Variants in TNRC6B observed in about 807,000 individuals in gnomAD.
TNRC6B encodes trinucleotide repeat-containing gene 6B protein.
A neutral mutation model predicts 203.6 loss-of-function variants in TNRC6B; 52 were observed. The ratio of observed to expected loss-of-function variants is 0.26; its 90% CI spans 0.20 to 0.32. TNRC6B has a LOEUF of 0.32. TNRC6B is among the 10% of genes least tolerant of loss of function. The pLI is 1.00. For synonymous variants in TNRC6B, 838 were observed against 845.7 expected (o/e 0.99, Z 0.16); for missense variants, 1,923 against 2,286.2 (o/e 0.84, Z 3.24).
intron 15 of TNRC6B, among the ~76,000 whole-genome samples, chr22:40,307,300 G>T (rs1346546715): frequency 1.3e-5 from 2 of 152,158 alleles, no homozygotes; most frequent in Non-Finnish European, 2.9e-5. Flanking sequence ...ATAGTGTGCA[G>T]TCTGGCCTGG....
chr22:40,248,073 T>G (rs1263990165), intron 2 of TNRC6B, among the ~76,000 whole-genome samples: 1 of 150,322 alleles, frequency 6.7e-6, no homozygotes, highest in East Asian at 1.9e-4. Flanking sequence ...AGATCTTGTG[T>G]CTAGAAAAAA....
chr22:40,264,735 T>C lies in TNRC6B; in HGVS notation c.505T>C (p.Trp169Arg). Residue 169 changes from tryptophan to arginine, a missense_variant, in exon 5 of 23, where the codon TGG becomes CGG. Physicochemically the swap from Trp to Arg is moderately radical, Grantham distance 101 (BLOSUM62 -3). Coordinates refer to ENST00000454349, the MANE Select transcript of TNRC6B (RefSeq NM_001162501.2). ...TGCTTCAAATTATGCAAATTCCACT[T>C]GGGGCTCGGGAGCCTCCTCCAACAA... Reference protein sequence around the residue: ...AAASNYANSTWGSGASSNNGT... With the variant: ...AAASNYANSTRGSGASSNNGT... 1.9e-6 allele frequency: 3 copies of C among 1,607,770 alleles called. No homozygotes were observed. The highest frequency in any genetic ancestry group is 2.6e-6 in the Non-Finnish European group (3 of 1,176,094).
At chr22:40,164,404 AAAAG>A (rs2068899247) in intron 4 of TNRC6B, among the ~76,000 whole-genome samples, 2 of 151,506 alleles carry the variant, frequency 1.3e-5, no homozygotes, top group Admixed American at 6.6e-5. Context: ...AAAAAAAAAA[AAAAG>A]GGCATTGTTA....
chr22:40,163,397 CA>C (rs1032013873), intron 4 of TNRC6B, among the ~76,000 whole-genome samples: 972 of 20,076 alleles, frequency 0.048, 6 homozygotes, highest in African/African-American at 0.073. Flanking sequence ...GACCCTGTCT[CA>C]AAAAAAAAAA....
At chr22:40,214,154 C>A (rs2069601508) in intron 1 of TNRC6B, among the ~76,000 whole-genome samples, 1 of 152,100 alleles carries the variant, frequency 6.6e-6, no homozygotes, top group Admixed American at 6.5e-5. Context: ...GTAGCCCCAG[C>A]TACTCGGGAG....
At chr22:40,292,627 A>T (rs957121716) in intron 12 of TNRC6B, among the ~76,000 whole-genome samples, 2 of 152,240 alleles carry the variant, frequency 1.3e-5, no homozygotes, top group Non-Finnish European at 2.9e-5. Flanking sequence ...TAACTCCCTG[A>T]AATGGAGAAT....
At chr22:40,222,323 T>C (rs1175950373) in intron 1 of TNRC6B, among the ~76,000 whole-genome samples, 1 of 152,128 alleles carries the variant, frequency 6.6e-6, no homozygotes, top group African/African-American at 2.4e-5. Flanking sequence ...TTAAAGGGGA[T>C]GCATAGATGA....
At chr22:40,141,893 G>A (rs2068647460) in intron 3 of TNRC6B, among the ~76,000 whole-genome samples, 1 of 151,484 alleles carries the variant, frequency 6.6e-6, no homozygotes, top group Non-Finnish European at 1.5e-5. Context: ...TCCTGCCTCA[G>A]CCTCCCGAGT....
At chr22:40,234,630 A>G (rs1242301815) in intron 1 of TNRC6B, among the ~76,000 whole-genome samples, 1 of 152,234 alleles carries the variant, frequency 6.6e-6, no homozygotes. Flanking sequence ...TTTTGTTACC[A>G]ACATATAAAA....
At chr22:40,056,924 A>G (rs369782411) in intron 1 of TNRC6B, among the ~76,000 whole-genome samples, 8 of 152,218 alleles carry the variant, frequency 5.3e-5, no homozygotes, top group Non-Finnish European at 8.8e-5. Context: ...GGGCAAGGCC[A>G]CCAGATTCCT....
chr22:40,064,709 T>G (rs1395765818), intron 1 of TNRC6B, among the ~76,000 whole-genome samples: 3 of 151,558 alleles, frequency 2.0e-5, no homozygotes, highest in East Asian at 1.9e-4. Context: ...CTCTGGCTCC[T>G]GGGTTCAAGC....
chr22:40,081,946 A>G (rs1601804811), intron 1 of TNRC6B, among the ~76,000 whole-genome samples: 1 of 151,958 alleles, frequency 6.6e-6, no homozygotes, highest in African/African-American at 2.4e-5. Context: ...CTTTAGAGTC[A>G]TCTTTAACTT....
intron 1 of TNRC6B, among the ~76,000 whole-genome samples, chr22:40,178,815 T>G (rs2069098368): frequency 6.6e-6 from 1 of 152,166 alleles, no homozygotes; most frequent in Non-Finnish European, 1.5e-5. Context: ...TGTTCTCAAA[T>G]GTGCAGCCAG....
chr22:40,156,533 A>G lies in TNRC6B; in HGVS notation c.113+351A>G, dbSNP rs182130364. On this transcript the variant is annotated intron_variant, in intron 4 of 23. Coordinates refer to the TNRC6B transcript ENST00000301923. ...TCTCAGTATTGTCTTTCTGAAGTGA[A>G]CTAAACTAATAGACCATTTCCCTGC... Among the ~76,000 whole-genome samples the G allele has an allele frequency of 2.0e-4, 30 of 152,300 alleles. No individual in the cohort carries two copies. The East Asian group carries it at 5.6e-3, about 28-fold the overall frequency.
rs763786687 is a variant in TNRC6B, at chr22:40,261,956, G to A, written c.240G>A (p.Pro80=). Reference sequence around the variant, plus strand: ...GGGTGGCAGTGCCGAACGGACAACCGCCAAGCGCCGCCCGCTACATGCCTC... The same window carrying A: ...GGGTGGCAGTGCCGAACGGACAACCACCAAGCGCCGCCCGCTACATGCCTC... ...AKRVAVPNGQ[P]PSAARYMPRE... Residue 80 remains proline (P), a synonymous_variant, in exon 4 of 23, where the codon CCG becomes CCA. Coordinates refer to ENST00000454349, the MANE Select transcript of TNRC6B (RefSeq NM_001162501.2). 12 of 1,612,496 alleles carry A rather than the reference G, an allele frequency of 7.4e-6. No individual in the cohort carries two copies. Among genetic ancestry groups the A allele is most frequent in the African/African-American group, 5.3e-5 (4 of 75,032 alleles).
intron 3 of TNRC6B, among the ~76,000 whole-genome samples, chr22:40,258,225 C>G (rs2070314934): frequency 6.6e-6 from 1 of 151,904 alleles, no homozygotes; most frequent in Admixed American, 6.6e-5. Flanking sequence ...ACTTGCACAA[C>G]TTACAAATCC....
intron 4 of TNRC6B, among the ~76,000 whole-genome samples, chr22:40,158,406 G>T (rs911260325): frequency 9.2e-5 from 14 of 151,846 alleles, no homozygotes; most frequent in Non-Finnish European, 1.9e-4. Flanking sequence ...AGTTGAGGGA[G>T]ACAATGAAAA....
intron 1 of TNRC6B, among the ~76,000 whole-genome samples, chr22:40,064,733 C>G (rs989015071): frequency 4.6e-5 from 7 of 151,890 alleles, no homozygotes; most frequent in Non-Finnish European, 1.0e-4. Context: ...TCTCCTGCCT[C>G]AGCCTCCCGA....
At chr22:40,251,075 G>A (rs1323177912) in intron 2 of TNRC6B, 104 bp from the exon 3 acceptor site, 6 of 918,478 alleles carry the variant, frequency 6.5e-6, no homozygotes, top group African/African-American at 1.7e-5. Flanking sequence ...ATGCCTGTGT[G>A]CCTGACAGCT....
Sources: allele counts gnomAD v4.1 joint callset (sites outside exome capture counted in the v4.1 genomes callset), GRCh38; gene constraint gnomAD v4.1.1; transcripts MANE v1.5; gene names NCBI Gene and HGNC (gene_info 2026-07-23, HGNC 2026-07-21).